Variants in MAPKAPK3 observed in about 807,000 individuals in gnomAD.
The protein encoded by MAPKAPK3 is MAP kinase-activated protein kinase 3.
MAPKAPK3 carries 35 observed loss-of-function variants against 49.2 expected under a neutral mutation model. The ratio of observed to expected loss-of-function variants is 0.71; its 90% confidence interval spans 0.54 to 0.94. MAPKAPK3 has a LOEUF of 0.94. Ranked by LOEUF, MAPKAPK3 falls within the 40% of genes least tolerant of loss-of-function variation. The pLI is 0.00. For missense variants in MAPKAPK3, 398 were observed against 493.1 expected, an observed-to-expected ratio of 0.81 and a Z score of 1.83; for synonymous variants, 178 against 188.7, an observed-to-expected ratio of 0.94 and a Z score of 0.46.
upstream of MAPKAPK3, among the ~76,000 whole-genome samples, chr3:50,616,684 A>C (rs181978182): frequency 6.6e-6 from 1 of 152,240 alleles, no homozygotes; most frequent in Non-Finnish European, 1.5e-5. Flanking sequence ...CGAATTCAAC[A>C]ACGACAAGAT....
chr3:50,622,377 A>G (rs1213218263), intron 2 of MAPKAPK3, among the ~76,000 whole-genome samples: 1 of 152,048 alleles, frequency 6.6e-6, no homozygotes, highest in African/African-American at 2.4e-5. Context: ...GCACTGAAGA[A>G]TTTCTTCTCA....
intron 2 of MAPKAPK3, among the ~76,000 whole-genome samples, chr3:50,637,812 G>C (rs2033079801): frequency 6.6e-6 from 1 of 152,150 alleles, no homozygotes; most frequent in African/African-American, 2.4e-5. Flanking sequence ...CAGAGAGGAT[G>C]AGGCAAGAAT....
intron 2 of MAPKAPK3, among the ~76,000 whole-genome samples, chr3:50,635,874 G>A (rs2033024560): frequency 7.3e-6 from 1 of 136,520 alleles, no homozygotes; most frequent in African/African-American, 2.8e-5. Flanking sequence ...CTTGAGCCTA[G>A]GATTTCGAGA....
At chr3:50,631,163 G>A (rs2032901438) in intron 2 of MAPKAPK3, among the ~76,000 whole-genome samples, 1 of 152,240 alleles carries the variant, frequency 6.6e-6, no homozygotes, top group South Asian at 2.1e-4. Flanking sequence ...CTGCAAAATT[G>A]GTTCCATTAC....
chr3:50,641,909 C>T (rs2033184851), intron 4 of MAPKAPK3, 138 bp downstream of exon 4: 1 of 804,082 alleles, frequency 1.2e-6, no homozygotes. Flanking sequence ...CAGTGTCCAT[C>T]CCCACAAGGG....
At chr3:50,637,392 T>A (rs1279500652) in intron 2 of MAPKAPK3, among the ~76,000 whole-genome samples, 3 of 151,342 alleles carry the variant, frequency 2.0e-5, no homozygotes, top group Non-Finnish European at 2.9e-5. Flanking sequence ...ACACCTGTAA[T>A]CCCAGCACTT....
intron 2 of MAPKAPK3, among the ~76,000 whole-genome samples, chr3:50,619,189 C>A (rs1274517712): frequency 2.6e-5 from 4 of 152,168 alleles, no homozygotes; most frequent in African/African-American, 4.8e-5. Flanking sequence ...GGTACAGGAC[C>A]TGATACAGGT....
intron 2 of MAPKAPK3, among the ~76,000 whole-genome samples, chr3:50,635,354 G>T (rs2033008041): frequency 6.7e-6 from 1 of 148,606 alleles, no homozygotes; most frequent in African/African-American, 2.5e-5. Context: ...AAGTTTGCCA[G>T]GTTGTCATGT....
At chr3:50,641,025 TG>T (rs1022540192) in intron 3 of MAPKAPK3, among the ~76,000 whole-genome samples, 6 of 152,204 alleles carry the variant, frequency 3.9e-5, no homozygotes, top group Non-Finnish European at 7.3e-5. Flanking sequence ...TCTTCAGATT[TG>T]GGGTTCAGAT....
intron 2 of MAPKAPK3, among the ~76,000 whole-genome samples, chr3:50,639,435 C>T (rs2033121159): frequency 6.6e-6 from 1 of 152,186 alleles, no homozygotes; most frequent in African/African-American, 2.4e-5. Context: ...CCACCTCTCT[C>T]ACAGTGCGAT....
chr3:50,639,428 C>T (rs1356061491), intron 2 of MAPKAPK3, among the ~76,000 whole-genome samples: 1 of 152,162 alleles, frequency 6.6e-6, no homozygotes, highest in African/African-American at 2.4e-5. Flanking sequence ...GATGGCCCCA[C>T]CTCTCTCACA....
upstream of MAPKAPK3, chr3:50,612,629 C>A (rs2032362909): frequency 6.6e-6 from 1 of 151,956 alleles, no homozygotes. Flanking sequence ...GCCGGCCCTG[C>A]CAGTCAGGGG....
chr3:50,642,167 T>C, intron 4 of MAPKAPK3, 86 bp from the exon 5 acceptor site: 2 of 878,824 alleles, frequency 2.3e-6, no homozygotes, highest in Non-Finnish European at 1.9e-6. Context: ...TGTGCTGGCC[T>C]GTTAGACTGT....
chr3:50,640,270 G>A (rs2033145020), intron 2 of MAPKAPK3, 96 bp from the exon 3 acceptor site: 5 of 1,194,232 alleles, frequency 4.2e-6, no homozygotes, highest in Non-Finnish European at 3.6e-6. Context: ...GTGTGACCTG[G>A]GGCAGGTCAC....
intron 2 of MAPKAPK3, 83 bp from the exon 3 acceptor site, chr3:50,640,283 G>T: frequency 1.4e-6 from 2 of 1,389,706 alleles, no homozygotes; most frequent in East Asian, 2.3e-5. Flanking sequence ...CAGGTCACAG[G>T]CCTCAGAGCT....
chr3:50,640,256 A>G (rs2033144760), intron 2 of MAPKAPK3, 110 bp from the exon 3 acceptor site: 1 of 1,053,212 alleles, frequency 9.5e-7, no homozygotes, highest in African/African-American at 1.6e-5. Context: ...GCTCCTTATA[A>G]GCTGTGTGAC....
chr3:50,626,547 C>T (rs2032750589), intron 2 of MAPKAPK3, among the ~76,000 whole-genome samples: 1 of 152,234 alleles, frequency 6.6e-6, no homozygotes. Context: ...CATAGCTCAT[C>T]CACAGATGCT....
chr3:50,638,560 G>C (rs974902674), intron 2 of MAPKAPK3, among the ~76,000 whole-genome samples: 1 of 152,204 alleles, frequency 6.6e-6, no homozygotes, highest in Admixed American at 6.5e-5. Flanking sequence ...GGGGCACAGA[G>C]CTGCTAGAGG....
At chr3:50,612,876 A>G (rs1030237372), upstream of MAPKAPK3, 2 of 152,120 alleles carry the variant, frequency 1.3e-5, no homozygotes, top group African/African-American at 4.8e-5. Context: ...GATCCTCTAC[A>G]ACTGGTGTTG....
Sources: gnomAD v4.1 joint callset for allele counts (sites outside exome capture counted in the v4.1 genomes callset) on GRCh38, gnomAD v4.1.1 for gene constraint, MANE v1.5 for transcripts, NCBI Gene and HGNC (gene_info 2026-07-23, HGNC 2026-07-21) for gene names.